The following GRHL2 variants were observed in gnomAD, a reference collection of about 807,000 sequenced individuals.
GRHL2 encodes the protein grainyhead-like protein 2 homolog.
A neutral mutation model predicts 83.8 loss-of-function variants in GRHL2; 21 were observed. The observed-to-expected ratio is 0.25, with a 90% CI of 0.18 to 0.36. GRHL2 has a LOEUF of 0.36. Among genes scored for constraint, GRHL2 ranks in the 10% least tolerant of loss-of-function variants. The pLI is 1.00. For missense variants in GRHL2, 623 were observed against 781.8 expected (o/e 0.80, Z 2.42); for synonymous variants, 280 against 278.9 (o/e 1.00, Z -0.04).
chr8:101,663,649 A>G (rs575242819), intron 14 of GRHL2, among the ~76,000 whole-genome samples: 1 of 151,956 alleles, frequency 6.6e-6, no homozygotes, highest in Non-Finnish European at 1.5e-5. Flanking sequence ...AAATAAAAAT[A>G]AAAGTAGTAT....
At chr8:101,620,405 A>T (rs1340045718) in intron 9 of GRHL2, among the ~76,000 whole-genome samples, 1 of 152,232 alleles carries the variant, frequency 6.6e-6, no homozygotes, top group East Asian at 1.9e-4. Context: ...GTCCCAGAGC[A>T]TATCAGGGCA....
chr8:101,551,360 G>A (rs1389541655), intron 2 of GRHL2, among the ~76,000 whole-genome samples: 41 of 152,174 alleles, frequency 2.7e-4, no homozygotes, highest in Non-Finnish European at 1.2e-4. Flanking sequence ...GTGGGACAGA[G>A]TTTACTGAGT....
chr8:101,647,193 C>T (rs1813528666), intron 13 of GRHL2, among the ~76,000 whole-genome samples: 1 of 151,998 alleles, frequency 6.6e-6, no homozygotes. Flanking sequence ...GAGAAACCCC[C>T]TCTCTACTAA....
At chr8:101,533,624 A>G (rs766235521) in intron 1 of GRHL2, among the ~76,000 whole-genome samples, 5 of 152,198 alleles carry the variant, frequency 3.3e-5, no homozygotes, top group Non-Finnish European at 7.3e-5. Flanking sequence ...AAGAGTCGAG[A>G]GCTGGGTAAG....
chr8:101,545,352 G>A (rs1418040745), intron 2 of GRHL2, among the ~76,000 whole-genome samples: 1 of 147,752 alleles, frequency 6.8e-6, no homozygotes, highest in Non-Finnish European at 1.5e-5. Context: ...TAACTTTGGG[G>A]GACTTGGGCT....
At chr8:101,544,446 G>A (rs1563573173) in intron 2 of GRHL2, among the ~76,000 whole-genome samples, 1 of 152,072 alleles carries the variant, frequency 6.6e-6, no homozygotes, top group South Asian at 2.1e-4. Flanking sequence ...CTATAAAATA[G>A]GAGTATTTCA....
At chr8:101,533,687 T>C (rs751457966) in intron 1 of GRHL2, among the ~76,000 whole-genome samples, 2 of 152,080 alleles carry the variant, frequency 1.3e-5, no homozygotes, top group African/African-American at 4.8e-5. Flanking sequence ...TGGAAGCAGG[T>C]TGCTGCATTA....
chr8:101,644,209 A>G lies in GRHL2; in HGVS notation c.1596A>G (p.Glu532=). 1 of 1,613,930 alleles carries G rather than the reference A, an allele frequency of 6.2e-7. No homozygotes were observed. Among genetic ancestry groups the G allele is most frequent in the African/African-American group, 1.3e-5 (1 of 75,060 alleles). Residue 532 remains glutamate (E), a synonymous_variant, in exon 13 of 16, where the codon GAA becomes GAG. Transcript: ENST00000646743. ...FGPVPSKQMK[E]EGTKRVLLYV... is the part of the protein sequence containing the mutation. ...CAGTGCCTTCAAAGCAGATGAAAGA[A>G]GAAGGGACAAAGCGAGGTATCTCTC...
rs34421761 is a variant in GRHL2, at chr8:101,545,443, G to GAA, written c.216+2035_216+2036dup. Among the ~76,000 whole-genome samples, 75 of 58,924 alleles carry GAA rather than the reference G, an allele frequency of 1.3e-3. 2 individuals carry two copies. The East Asian group carries it at 0.022, about 17-fold the overall frequency. 38.7% of individuals were successfully genotyped at this position (58,924 alleles called of 152,430 possible). A position where few individuals can be genotyped will look rare whatever the true frequency, so the allele number is the denominator to read the frequency against. ...TTCTCTACAGTGAAGGGGAATTCCT[G>GAA]AAAAAAAAAAAAAAAAAAAAAAAAA... On this transcript the variant is annotated intron_variant, in intron 2 of 15. Coordinates refer to ENST00000646743, the MANE Select transcript of GRHL2 (RefSeq NM_024915.4).
intron 8 of GRHL2, among the ~76,000 whole-genome samples, chr8:101,601,855 A>T (rs1428718744): frequency 6.6e-6 from 1 of 152,194 alleles, no homozygotes; most frequent in Non-Finnish European, 1.5e-5. Flanking sequence ...GGTTTGTTGC[A>T]TAGGTATATG....
chr8:101,662,083 A>T (rs9297307), intron 14 of GRHL2, among the ~76,000 whole-genome samples: 39,404 of 152,152 alleles, frequency 0.26, 5,462 homozygotes, highest in African/African-American at 0.34. Flanking sequence ...AAATGTTTAG[A>T]TCAATAATCA....
intron 11 of GRHL2, among the ~76,000 whole-genome samples, chr8:101,635,003 G>A (rs1237257100): frequency 6.6e-6 from 1 of 152,172 alleles, no homozygotes; most frequent in Non-Finnish European, 1.5e-5. Context: ...ATGGTGGGAT[G>A]CAGCGGCATC....
chr8:101,496,129 C>T (rs903799199), intron 1 of GRHL2, among the ~76,000 whole-genome samples: 2 of 131,576 alleles, frequency 1.5e-5, no homozygotes, highest in Non-Finnish European at 3.2e-5. Context: ...GCCTGGGTGA[C>T]AGTGCGAGAC....
intron 14 of GRHL2, among the ~76,000 whole-genome samples, chr8:101,662,171 C>T (rs1342932827): frequency 1.3e-5 from 2 of 152,194 alleles, no homozygotes; most frequent in Admixed American, 6.5e-5. Flanking sequence ...ATGTTCTGTT[C>T]GAATTGATGC....
intron 1 of GRHL2, among the ~76,000 whole-genome samples, chr8:101,500,187 G>A (rs1159526964): frequency 6.6e-6 from 1 of 152,190 alleles, no homozygotes; most frequent in Non-Finnish European, 1.5e-5. Context: ...TGGCAAACTT[G>A]TCCAGGGAAA....
chr8:101,621,102 G>A (rs1051284334), intron 9 of GRHL2, among the ~76,000 whole-genome samples: 25 of 152,150 alleles, frequency 1.6e-4, no homozygotes, highest in Non-Finnish European at 2.6e-4. Flanking sequence ...TGGGCATCCT[G>A]GGAGCCATGA....
At chr8:101,569,119 T>TG (rs1487277218) in intron 4 of GRHL2, among the ~76,000 whole-genome samples, 1 of 152,140 alleles carries the variant, frequency 6.6e-6, no homozygotes, top group Non-Finnish European at 1.5e-5. Context: ...ATGGTCATAG[T>TG]GAAAAAACAA....
intron 1 of GRHL2, among the ~76,000 whole-genome samples, chr8:101,536,092 A>G (rs1811040297): frequency 6.6e-6 from 1 of 152,168 alleles, no homozygotes; most frequent in Admixed American, 6.5e-5. Context: ...AAAGGTATAG[A>G]AGTAAGAATG....
At chr8:101,564,693 T>C (rs1439723609) in intron 4 of GRHL2, among the ~76,000 whole-genome samples, 1 of 151,644 alleles carries the variant, frequency 6.6e-6, no homozygotes, top group Non-Finnish European at 1.5e-5. Context: ...GCACCTGTAG[T>C]CCGAGCTGCT....
Sources: allele counts gnomAD v4.1 joint callset (sites outside exome capture counted in the v4.1 genomes callset), GRCh38; gene constraint gnomAD v4.1.1; transcripts MANE v1.5; gene names NCBI Gene and HGNC (gene_info 2026-07-23, HGNC 2026-07-21).